MYO1E: variants seen among roughly 807,000 people sequenced by gnomAD.
MYO1E encodes unconventional myosin-Ie.
A neutral mutation model predicts 151.1 loss-of-function variants in MYO1E; 68 were observed. The observed-to-expected ratio is 0.45, with a 90% CI of 0.37 to 0.55. The LOEUF is 0.55. Among genes scored for constraint, MYO1E ranks in the 20% least tolerant of loss-of-function variants. MYO1E has a pLI of 0.00. For synonymous variants in MYO1E, 601 were observed against 501.7 expected, an observed-to-expected ratio of 1.20 and a Z score of -2.64; for missense variants, 1,363 against 1,389.3, an observed-to-expected ratio of 0.98 and a Z score of 0.30.
intron 17 of MYO1E, among the ~76,000 whole-genome samples, chr15:59,195,112 C>G (rs2079758576): frequency 1.3e-5 from 2 of 152,178 alleles, no homozygotes; most frequent in Non-Finnish European, 2.9e-5. Context: ...GGGTCCCGAT[C>G]AGGGGCTGGG....
chr15:59,164,445 T>C (rs916625274), intron 22 of MYO1E, among the ~76,000 whole-genome samples: 1 of 152,218 alleles, frequency 6.6e-6, no homozygotes, highest in East Asian at 1.9e-4. Context: ...CACGGTTCTT[T>C]GTATATCCAG....
chr15:59,207,831 T>TTC, intron 14 of MYO1E: 1 of 1,614,218 alleles, frequency 6.2e-7, no homozygotes, highest in Non-Finnish European at 8.5e-7. Context: ...AAGGTTATAC[T>TTC]TCTTGGGCCA....
At chr15:59,339,012 A>C (rs933119003) in intron 1 of MYO1E, among the ~76,000 whole-genome samples, 1 of 152,194 alleles carries the variant, frequency 6.6e-6, no homozygotes, top group African/African-American at 2.4e-5. Flanking sequence ...CATGCCTGTA[A>C]TCCCTGCTAC....
intron 1 of MYO1E, among the ~76,000 whole-genome samples, chr15:59,369,974 T>C (rs1030454132): frequency 1.3e-5 from 2 of 151,838 alleles, no homozygotes; most frequent in Admixed American, 1.3e-4. Context: ...TTCTTCTTCT[T>C]CTTCTTAATA....
At chr15:59,283,980 C>T (rs1445013284) in intron 1 of MYO1E, among the ~76,000 whole-genome samples, 1 of 152,320 alleles carries the variant, frequency 6.6e-6, no homozygotes, top group South Asian at 2.1e-4. Flanking sequence ...AGAAGTACCA[C>T]GTGGTAAACA....
chr15:59,178,336 A>G, intron 19 of MYO1E, 57 bp downstream of exon 19: 1 of 1,601,852 alleles, frequency 6.2e-7, no homozygotes, highest in Non-Finnish European at 8.5e-7. Context: ...GGGGTGGAGC[A>G]GGGCTGGCGG....
intron 9 of MYO1E, among the ~76,000 whole-genome samples, chr15:59,222,079 C>T (rs1332354153): frequency 1.3e-5 from 2 of 152,160 alleles, no homozygotes; most frequent in Admixed American, 1.3e-4. Context: ...ACTCCCTTCC[C>T]TGGTAAACAT....
chr15:59,360,447 A>G (rs1422993728), intron 1 of MYO1E, among the ~76,000 whole-genome samples: 1 of 152,202 alleles, frequency 6.6e-6, no homozygotes, highest in Non-Finnish European at 1.5e-5. Flanking sequence ...TTGGGCAGCA[A>G]GAAGTATTGT....
intron 2 of MYO1E, among the ~76,000 whole-genome samples, chr15:59,263,752 C>T (rs1170658031): frequency 6.6e-6 from 1 of 152,000 alleles, no homozygotes; most frequent in Non-Finnish European, 1.5e-5. Context: ...TAAGGGCAGG[C>T]CATAGTGCTA....
chr15:59,229,621 C>T (rs1447968230), intron 6 of MYO1E, among the ~76,000 whole-genome samples: 1 of 152,212 alleles, frequency 6.6e-6, no homozygotes, highest in African/African-American at 2.4e-5. Context: ...GTGCCAGATA[C>T]ATAGATGTTC....
chr15:59,190,058 C>G (rs750308393), intron 17 of MYO1E, among the ~76,000 whole-genome samples: 11 of 152,168 alleles, frequency 7.2e-5, no homozygotes, highest in Non-Finnish European at 1.6e-4. Context: ...TGAAAACCCA[C>G]CACTTGCTGG....
chr15:59,223,310 A>C (rs1362549216), intron 8 of MYO1E, 119 bp from the exon 9 acceptor site: 109 of 1,095,906 alleles, frequency 9.9e-5, no homozygotes, highest in Non-Finnish European at 1.3e-4. Flanking sequence ...CAGACGAGTT[A>C]CAAAGAAAAA....
chr15:59,372,299 T>G (rs1459072122), intron 1 of MYO1E, among the ~76,000 whole-genome samples, 199 bp downstream of exon 1: 1 of 152,066 alleles, frequency 6.6e-6, no homozygotes, highest in Admixed American at 6.5e-5. Context: ...GAATAAAGTT[T>G]TCCTTGGCCC....
intron 14 of MYO1E, chr15:59,207,120 T>A: frequency 2.5e-6 from 4 of 1,614,192 alleles, no homozygotes; most frequent in Non-Finnish European, 3.4e-6. Context: ...TTATTGAGCG[T>A]TTCACTTCCG....
At chr15:59,329,046 G>A (rs145717784) in intron 1 of MYO1E, among the ~76,000 whole-genome samples, 26 of 152,222 alleles carry the variant, frequency 1.7e-4, no homozygotes, top group African/African-American at 6.0e-4. Context: ...CAGAAGGTAC[G>A]GAGGACTCAA....
chr15:59,308,501 G>A (rs1339609057), intron 1 of MYO1E, among the ~76,000 whole-genome samples: 1 of 150,920 alleles, frequency 6.6e-6, no homozygotes, highest in African/African-American at 2.4e-5. Context: ...GCAAAACCCC[G>A]TCTCTACTAA....
At chr15:59,261,249 AAAAAAT>A (rs2080223029) in intron 3 of MYO1E, among the ~76,000 whole-genome samples, 165 bp downstream of exon 3, 1 of 151,348 alleles carries the variant, frequency 6.6e-6, no homozygotes, top group South Asian at 2.1e-4. Context: ...AATAAAAATT[AAAAAAT>A]AAAAATAAAA....
intron 1 of MYO1E, among the ~76,000 whole-genome samples, chr15:59,303,827 A>T (rs1343950454): frequency 2.0e-4 from 31 of 152,200 alleles, no homozygotes; most frequent in Admixed American, 2.0e-3. Context: ...TCGGCAGTGT[A>T]GGACTCTCTT....
At chr15:59,138,702 T>TC (rs1487260166) in intron 26 of MYO1E, among the ~76,000 whole-genome samples, 1 of 152,130 alleles carries the variant, frequency 6.6e-6, no homozygotes, top group Non-Finnish European at 1.5e-5. Context: ...TATCTGTCCC[T>TC]CCTTCCTCAA....
Sources: allele counts gnomAD v4.1 joint callset (sites outside exome capture counted in the v4.1 genomes callset), GRCh38; gene constraint gnomAD v4.1.1; transcripts MANE v1.5; gene names NCBI Gene and HGNC (gene_info 2026-07-23, HGNC 2026-07-21).